RASGEF1A: variants seen among roughly 807,000 people sequenced by gnomAD.
RASGEF1A encodes RasGEF domain family member 1A, also known as ras-GEF domain-containing family member 1A.
In RASGEF1A, 18 loss-of-function variants were observed where a neutral mutation model predicts 56.4. That is an observed-to-expected ratio of 0.32 (90% CI 0.22 to 0.47). RASGEF1A has a LOEUF of 0.47. Among genes scored for constraint, RASGEF1A ranks in the 20% least tolerant of loss-of-function variants. The probability of loss-of-function intolerance (pLI) is 1.00; values close to 1 mark genes in which losing one functional copy is unlikely to be tolerated. For missense variants in RASGEF1A, 422 were observed against 627.1 expected, an observed-to-expected ratio of 0.67 and a Z score of 3.49; for synonymous variants, 245 against 242.6, an observed-to-expected ratio of 1.01 and a Z score of -0.09.
chr10:43,233,744 GA>G (rs1215521042), intron 1 of RASGEF1A, among the ~76,000 whole-genome samples: 1 of 152,196 alleles, frequency 6.6e-6, no homozygotes, highest in Non-Finnish European at 1.5e-5. Context: ...ACCAGGCCCA[GA>G]AATTCCATCC....
intron 1 of RASGEF1A, among the ~76,000 whole-genome samples, chr10:43,215,547 C>T (rs1431332851): frequency 2.0e-5 from 3 of 152,190 alleles, no homozygotes; most frequent in Non-Finnish European, 2.9e-5. Flanking sequence ...ATGCCACGGA[C>T]CCGACAGAAT....
intron 1 of RASGEF1A, among the ~76,000 whole-genome samples, chr10:43,243,575 G>A (rs1182155917): frequency 6.7e-6 from 1 of 149,692 alleles, no homozygotes; most frequent in African/African-American, 2.5e-5. Flanking sequence ...GGGAGGTGAG[G>A]GGCGCCTCTG....
Position 43,199,180 on chromosome 10 carries a change from T to C in RASGEF1A, c.864A>G (p.Lys288=). The change falls in exon 8 of 13, where the codon AAA becomes AAG. Residue 288 remains lysine, a synonymous_variant. Coordinates refer to ENST00000395810, the MANE Select transcript of RASGEF1A (RefSeq NM_145313.4). ...AGAACTCCAACATGCGGGTCCGGTGTTTCTTCTTCACCACCTGGAAGGTGG... is the reference window on the plus strand; with the variant it reads ...AGAACTCCAACATGCGGGTCCGGTGCTTCTTCTTCACCACCTGGAAGGTGG... ...ATEVCRVVKK[K]HRTRMLEFFI... The C allele has an allele frequency of 2.5e-6, 4 of 1,610,748 alleles. No individual in the cohort carries two copies. The highest frequency in any genetic ancestry group is 3.4e-6 in the Non-Finnish European group (4 of 1,178,458).
At position 43,196,186 on chromosome 10, in the gene RASGEF1A, C is replaced by G. The variant is rs1288772104; in HGVS notation, c.*58G>C. The G allele has an allele frequency of 1.9e-6, 3 of 1,578,476 alleles. No homozygotes were observed. Among genetic ancestry groups the G allele is most frequent in the East Asian group, 4.5e-5 (2 of 44,366 alleles). On this transcript the variant is annotated 3_prime_UTR_variant, in exon 13 of 13. Transcript: ENST00000395810. The surrounding 1 kb of genome is among the most constrained non-coding windows in gnomAD (Gnocchi z 4.6). The stretch of plus-strand genomic sequence containing the variant: ...CCTCCTCATCTCAACCCACATCAGT[C>G]AAAATTTAAACCCAGTTAGTGCACG...
intron 1 of RASGEF1A, among the ~76,000 whole-genome samples, chr10:43,239,467 C>A (rs148291508): frequency 1.3e-5 from 2 of 152,272 alleles, no homozygotes; most frequent in East Asian, 1.9e-4. Context: ...AGGTCAGAAT[C>A]CACATTTTTA....
In RASGEF1A at chr10:43,194,985, G is replaced by A. The variant is rs1479961641; in HGVS notation, c.*1259C>T. ...CTCCCCAGGCCCAGCCTTTCCCAAT[G>A]TCTTCAGGCTCTTCCAGGAGCTTTG... is the stretch of plus-strand genomic sequence containing the variant. On this transcript the variant is annotated 3_prime_UTR_variant, in exon 13 of 13. Transcript: ENST00000395810. The A allele has an allele frequency of 6.6e-6, 1 of 152,412 alleles. No individual in the cohort carries two copies. The highest frequency in any genetic ancestry group is 1.5e-5 in the Non-Finnish European group (1 of 68,080). 9.4% of individuals were successfully genotyped at this position (152,412 alleles called of 1,614,324 possible). A position where few individuals can be genotyped will look rare whatever the true frequency, so the allele number is the denominator to read the frequency against.
intron 1 of RASGEF1A, among the ~76,000 whole-genome samples, chr10:43,237,098 C>A (rs533466665): frequency 1.3e-5 from 2 of 152,142 alleles, no homozygotes; most frequent in Admixed American, 6.5e-5. Flanking sequence ...ACCAGGCTAA[C>A]CTTGCAGGGA....
At chr10:43,258,338 A>T (rs1048569323) in intron 1 of RASGEF1A, among the ~76,000 whole-genome samples, 10 of 152,160 alleles carry the variant, frequency 6.6e-5, no homozygotes, top group Non-Finnish European at 1.5e-4. Flanking sequence ...GGCTGAGGTG[A>T]GGGGGCTGTG....
At chr10:43,238,184 C>A (rs924027220) in intron 1 of RASGEF1A, among the ~76,000 whole-genome samples, 18 of 151,916 alleles carry the variant, frequency 1.2e-4, no homozygotes, top group Admixed American at 1.1e-3. Flanking sequence ...GAGGGTTAGC[C>A]ATGTCGACTT....
intron 6 of RASGEF1A, among the ~76,000 whole-genome samples, 169 bp from the exon 7 acceptor site, chr10:43,199,937 T>C (rs1025936748): frequency 6.6e-6 from 1 of 152,194 alleles, no homozygotes; most frequent in Non-Finnish European, 1.5e-5. Context: ...CCAGGCTGGC[T>C]CCCTGGCCCA....
chr10:43,202,719 T>A (rs1302814207), intron 3 of RASGEF1A: 2 of 456,180 alleles, frequency 4.4e-6, no homozygotes, highest in Admixed American at 4.9e-5. Context: ...AACCAGCGGA[T>A]TCCGCCCACG....
Position 43,196,537 on chromosome 10 carries a change from C to A in RASGEF1A, c.1360G>T (p.Ala454Ser), listed in dbSNP as rs776561636. 6.2e-7 allele frequency: 1 copy of A among 1,613,612 alleles called. No individual in the cohort carries two copies. Among genetic ancestry groups the A allele is most frequent in the Non-Finnish European group, 8.5e-7 (1 of 1,179,970 alleles). The change falls in exon 12 of 13, where the codon GCC (alanine) becomes TCC (serine). Residue 454 changes from alanine to serine, a missense_variant. Transcript: ENST00000395810. This position sits in a 1 kb window ranked among gnomAD's most constrained non-coding sequence, Gnocchi z 4.6. ...TCGGGACCCTCACTTTCAAAGGAGG[C>A]GACGAAGAGAGCTGAGAGATGGGAA... ...PIYSEEALFV[A>S]SFESEGPENH...
intron 1 of RASGEF1A, chr10:43,208,874 A>G: frequency 3.0e-6 from 3 of 985,588 alleles, no homozygotes; most frequent in Non-Finnish European, 3.6e-6. Context: ...CCGGGCAGGA[A>G]TGCCGGCCCT....
At chr10:43,236,172 A>T (rs76936114) in intron 1 of RASGEF1A, among the ~76,000 whole-genome samples, 1 of 152,186 alleles carries the variant, frequency 6.6e-6, no homozygotes, top group Non-Finnish European at 1.5e-5. Context: ...AAGGTAATAT[A>T]GAGTGTGAGC....
chr10:43,252,887 G>A (rs567684636), intron 1 of RASGEF1A, among the ~76,000 whole-genome samples: 3 of 152,032 alleles, frequency 2.0e-5, no homozygotes, highest in East Asian at 1.9e-4. Context: ...GGGACTAACC[G>A]CTCCCCTGCA....
chr10:43,249,057 C>T (rs1348552733), intron 1 of RASGEF1A, among the ~76,000 whole-genome samples: 1 of 152,102 alleles, frequency 6.6e-6, no homozygotes, highest in Non-Finnish European at 1.5e-5. Context: ...AAGCAATCCA[C>T]GTAGGGAAGA....
At chr10:43,260,535 C>A (rs1330474039) in intron 1 of RASGEF1A, among the ~76,000 whole-genome samples, 3 of 152,172 alleles carry the variant, frequency 2.0e-5, no homozygotes, top group Admixed American at 6.5e-5. Flanking sequence ...GAACCCTGGT[C>A]CCCACGGGCA....
At chr10:43,266,376 G>T (rs994238940) in intron 1 of RASGEF1A, among the ~76,000 whole-genome samples, 4 of 152,176 alleles carry the variant, frequency 2.6e-5, no homozygotes, top group African/African-American at 9.6e-5. Flanking sequence ...AAACAGCAAG[G>T]GCGTGAGATA....
intron 1 of RASGEF1A, among the ~76,000 whole-genome samples, chr10:43,256,464 G>C (rs572708229): frequency 1.3e-5 from 2 of 152,190 alleles, no homozygotes; most frequent in Non-Finnish European, 2.9e-5. Context: ...TGGGGGTGGA[G>C]GGGGTGGTGA....
Sources: allele counts gnomAD v4.1 joint callset (sites outside exome capture counted in the v4.1 genomes callset), GRCh38; gene constraint gnomAD v4.1.1; non-coding constraint Gnocchi (gnomAD v3.1); transcripts MANE v1.5; gene names NCBI Gene and HGNC (gene_info 2026-07-23, HGNC 2026-07-21).